Variants in B4GALT5 observed in about 807,000 individuals in gnomAD.
B4GALT5 encodes the protein UDP-Gal:beta-GlcNAc beta-1,4-galactosyltransferase 5.
Under a neutral mutation model 45.0 loss-of-function variants are expected in B4GALT5, and 11 were observed. The ratio of observed to expected loss-of-function variants is 0.24; its 90% CI spans 0.15 to 0.40. The LOEUF is 0.40. B4GALT5 is among the 10% of genes least tolerant of loss of function. The pLI, the probability that B4GALT5 is intolerant of heterozygous loss-of-function variation, is 1.00. For synonymous variants in B4GALT5, 185 were observed against 182.9 expected (o/e 1.01, Z -0.09); for missense variants, 337 against 500.2 (o/e 0.67, Z 3.11).
intron 1 of B4GALT5, among the ~76,000 whole-genome samples, chr20:49,709,556 G>A (rs550858456): frequency 6.6e-6 from 1 of 152,164 alleles, no homozygotes; most frequent in Admixed American, 6.5e-5. Context: ...TGGATCACTT[G>A]AGGTCGGGAG....
chr20:49,695,299 A>AT (rs1238786898), intron 1 of B4GALT5, among the ~76,000 whole-genome samples: 1 of 151,956 alleles, frequency 6.6e-6, no homozygotes, highest in Non-Finnish European at 1.5e-5. Context: ...CCCTTTCAGA[A>AT]TGTCTTCCAC....
intron 1 of B4GALT5, among the ~76,000 whole-genome samples, chr20:49,704,246 G>A (rs2085874759): frequency 6.6e-6 from 1 of 152,138 alleles, no homozygotes; most frequent in Non-Finnish European, 1.5e-5. Flanking sequence ...GCTTATGATT[G>A]TTCAACACAG....
intron 1 of B4GALT5, among the ~76,000 whole-genome samples, chr20:49,711,819 C>A (rs2085913555): frequency 6.6e-6 from 1 of 152,192 alleles, no homozygotes; most frequent in South Asian, 2.1e-4. Flanking sequence ...ACATTAACCA[C>A]AAGTAAAATA....
chr20:49,674,081 C>CTAAAAAAAAA (rs2085727235), intron 1 of B4GALT5, among the ~76,000 whole-genome samples: 1 of 94,536 alleles, frequency 1.1e-5, no homozygotes, highest in African/African-American at 3.6e-5. Flanking sequence ...ATTAAAAATA[C>CTAAAAAAAAA]AAAAAAAAAA....
intron 1 of B4GALT5, among the ~76,000 whole-genome samples, chr20:49,672,071 C>G (rs2085718365): frequency 6.6e-6 from 1 of 152,182 alleles, no homozygotes; most frequent in Non-Finnish European, 1.5e-5. Context: ...CTTCATCAAG[C>G]AAGTTTCCTC....
intron 1 of B4GALT5, among the ~76,000 whole-genome samples, chr20:49,695,537 G>A (rs1231152287): frequency 7.3e-5 from 11 of 151,600 alleles, no homozygotes; most frequent in South Asian, 2.1e-4. Context: ...TCAGCCTCCC[G>A]AGTAGCTGGG....
intron 1 of B4GALT5, among the ~76,000 whole-genome samples, chr20:49,712,837 T>TG (rs765196296): frequency 0.35 from 14,730 of 42,220 alleles, 2,733 homozygotes; most frequent in South Asian, 0.52. Context: ...GTACGCGAGG[T>TG]GGGGGGGGGG....
chr20:49,707,600 T>C (rs954659161), intron 1 of B4GALT5, among the ~76,000 whole-genome samples: 2 of 152,084 alleles, frequency 1.3e-5, no homozygotes, highest in Non-Finnish European at 2.9e-5. Flanking sequence ...TTTGATTATA[T>C]AAAACATGTA....
chr20:49,637,272 A>C, intron 8 of B4GALT5, 69 bp downstream of exon 8: 1 of 1,393,978 alleles, frequency 7.2e-7, no homozygotes, highest in Non-Finnish European at 1.0e-6. Flanking sequence ...GGGCTGTAAT[A>C]TGCTCTAAGA....
At chr20:49,651,704 A>G (rs2085623584) in intron 2 of B4GALT5, among the ~76,000 whole-genome samples, 3 of 152,264 alleles carry the variant, frequency 2.0e-5, no homozygotes. Context: ...GTCCAACAGC[A>G]ACTGCTTATT....
chr20:49,687,690 G>C (rs1027288296), intron 1 of B4GALT5, among the ~76,000 whole-genome samples: 13 of 151,896 alleles, frequency 8.6e-5, no homozygotes, highest in Admixed American at 3.3e-4. Flanking sequence ...ATTTATTTTC[G>C]ATTCCCTATA....
intron 1 of B4GALT5, 44 bp downstream of exon 1, chr20:49,713,532 A>G (rs752980069): frequency 6.5e-7 from 1 of 1,536,938 alleles, no homozygotes; most frequent in South Asian, 1.2e-5. Context: ...CGGGTCCCTC[A>G]AGGCCAGAGC....
intron 1 of B4GALT5, among the ~76,000 whole-genome samples, chr20:49,693,503 C>A (rs1332225549): frequency 6.6e-6 from 1 of 152,178 alleles, no homozygotes; most frequent in Non-Finnish European, 1.5e-5. Flanking sequence ...CAGGCTAATT[C>A]TCCTTGTCCT....
chr20:49,638,722 TA>T (rs796812415), intron 7 of B4GALT5, among the ~76,000 whole-genome samples: 57 of 145,310 alleles, frequency 3.9e-4, no homozygotes, highest in Admixed American at 6.2e-4. Context: ...GGACAGAGCT[TA>T]AAAAAAAAAA....
chr20:49,658,102 T>G (rs1325664879), intron 1 of B4GALT5, among the ~76,000 whole-genome samples: 1 of 152,216 alleles, frequency 6.6e-6, no homozygotes, highest in East Asian at 1.9e-4. Flanking sequence ...GGCCTTGCAT[T>G]GATTGGGAGA....
At position 49,647,047 on chromosome 20, in the gene B4GALT5, G is replaced by A; in HGVS notation, c.282C>T (p.Thr94=). Residue 94 remains threonine (T), a synonymous_variant, in exon 3 of 9, where the codon ACC becomes ACT. Transcript: ENST00000371711. ...GAAGAAATGTTGTAGTTTGCAGGAA[G>A]GTTTCACTGTGGTTCAAGTCAAGAG... is the stretch of plus-strand genomic sequence containing the variant. The part of the protein sequence containing the change: ...DYPLDLNHSE[T]FLQTTTFLPE... 6.2e-7 allele frequency: 1 copy of A among 1,613,892 alleles called. No homozygotes were observed. The highest frequency in any genetic ancestry group is 8.5e-7 in the Non-Finnish European group (1 of 1,179,856).
intron 5 of B4GALT5, among the ~76,000 whole-genome samples, chr20:49,642,089 T>G (rs1190605234): frequency 1.3e-5 from 2 of 152,184 alleles, no homozygotes; most frequent in Non-Finnish European, 2.9e-5. Flanking sequence ...ACTTGGTTGA[T>G]TAACAGCAGA....
chr20:49,703,053 A>G (rs893050032), intron 1 of B4GALT5, among the ~76,000 whole-genome samples: 9 of 150,740 alleles, frequency 6.0e-5, no homozygotes, highest in Non-Finnish European at 1.0e-4. Context: ...GGGTGCCTGT[A>G]GTCCCAGCTA....
chr20:49,684,832 T>C (rs1425974041), intron 1 of B4GALT5, among the ~76,000 whole-genome samples: 2 of 152,188 alleles, frequency 1.3e-5, no homozygotes, highest in African/African-American at 2.4e-5. Context: ...AGCTGTGTGA[T>C]CTTGAGCTCG....
Sources: gnomAD v4.1 joint callset for allele counts (sites outside exome capture counted in the v4.1 genomes callset) on GRCh38, gnomAD v4.1.1 for gene constraint, MANE v1.5 for transcripts, NCBI Gene and HGNC (gene_info 2026-07-23, HGNC 2026-07-21) for gene names.